Variants in FAM193A observed in about 807,000 individuals in gnomAD.
FAM193A encodes the protein protein FAM193A.
Under a neutral mutation model 126.5 loss-of-function variants are expected in FAM193A, and 22 were observed. The ratio of observed to expected loss-of-function variants is 0.17; its 90% CI spans 0.12 to 0.25. FAM193A has a LOEUF of 0.25. Ranked by LOEUF, FAM193A falls within the 10% of genes least tolerant of loss-of-function variation. The probability of loss-of-function intolerance (pLI) is 1.00; values close to 1 mark genes in which losing one functional copy is unlikely to be tolerated. For missense variants in FAM193A, 1,675 were observed against 1,672.8 expected (o/e 1.00, Z -0.02); for synonymous variants, 761 against 646.8 (o/e 1.18, Z -2.68).
chr4:2,555,692 G>A (rs1738208700), intron 1 of FAM193A, among the ~76,000 whole-genome samples: 1 of 151,670 alleles, frequency 6.6e-6, no homozygotes, highest in Admixed American at 6.6e-5. Flanking sequence ...ATCTCGGCTC[G>A]CCGCAAGCTC....
At chr4:2,607,275 G>A (rs755829488) in intron 2 of FAM193A, among the ~76,000 whole-genome samples, 6 of 152,196 alleles carry the variant, frequency 3.9e-5, no homozygotes, top group East Asian at 1.9e-4. Flanking sequence ...GCTCTGAAGT[G>A]TGTGGCAGTG....
intron 2 of FAM193A, among the ~76,000 whole-genome samples, chr4:2,618,216 C>G (rs1742323744): frequency 6.6e-6 from 1 of 152,120 alleles, no homozygotes; most frequent in Non-Finnish European, 1.5e-5. Context: ...CCTCAGCGTG[C>G]TTTGCTTTGT....
At chr4:2,698,914 G>A (rs557820522) in intron 18 of FAM193A, among the ~76,000 whole-genome samples, 41 of 152,288 alleles carry the variant, frequency 2.7e-4, no homozygotes, top group African/African-American at 9.1e-4. Context: ...GCTAGGGTGG[G>A]AAGAAGGAAT....
intron 19 of FAM193A, among the ~76,000 whole-genome samples, chr4:2,709,794 A>T (rs970390353): frequency 2.0e-5 from 3 of 152,210 alleles, no homozygotes; most frequent in Non-Finnish European, 4.4e-5. Context: ...GGGACCATCC[A>T]GGCTTTAAAG....
chr4:2,593,385 A>T (rs1426562347), intron 1 of FAM193A, among the ~76,000 whole-genome samples: 1 of 152,136 alleles, frequency 6.6e-6, no homozygotes, highest in African/African-American at 2.4e-5. Flanking sequence ...CATGCCAGCC[A>T]CTGGGCTCCC....
At chr4:2,618,231 A>G (rs1742324687) in intron 2 of FAM193A, among the ~76,000 whole-genome samples, 1 of 152,040 alleles carries the variant, frequency 6.6e-6, no homozygotes. Context: ...CTTTGTGTTT[A>G]GTGTGCTTTG....
intron 1 of FAM193A, among the ~76,000 whole-genome samples, chr4:2,550,379 T>G (rs1737839703): frequency 6.7e-6 from 1 of 149,884 alleles, no homozygotes; most frequent in African/African-American, 2.5e-5. Context: ...CATTATTGAT[T>G]TTGGATATTG....
At chr4:2,650,452 G>C (rs558693256) in intron 7 of FAM193A, among the ~76,000 whole-genome samples, 1 of 152,148 alleles carries the variant, frequency 6.6e-6, no homozygotes, top group Non-Finnish European at 1.5e-5. Context: ...GCTCACTCTC[G>C]TCACCGGGGC....
At chr4:2,715,776 A>T (rs1416356990) in intron 19 of FAM193A, among the ~76,000 whole-genome samples, 1 of 152,174 alleles carries the variant, frequency 6.6e-6, no homozygotes, top group Admixed American at 6.5e-5. Flanking sequence ...TCTGGCAAAC[A>T]TGTCTTCTAA....
At chr4:2,718,499 G>C (rs1275066141) in intron 20 of FAM193A, among the ~76,000 whole-genome samples, 1 of 152,162 alleles carries the variant, frequency 6.6e-6, no homozygotes, top group Non-Finnish European at 1.5e-5. Context: ...AGCCAAGACA[G>C]GCGGATCACT....
In FAM193A at chr4:2,654,943, T is replaced by A. The variant is rs557473927; in HGVS notation, c.1312-2860T>A. 6.1e-6 allele frequency: 3 copies of A among 490,458 alleles called. No individual in the cohort carries two copies. In the East Asian group the frequency reaches 9.1e-5, roughly 15 times the overall value. The allele number at this position is 490,458 out of a possible 1,614,324, so 30.4% of individuals were successfully genotyped here. ...CAGATGCCGGCATTAACTCTTGTAGTTTTTGAGTTGAGTCTTGAATCTGGG... is the reference window on the plus strand; with the variant it reads ...CAGATGCCGGCATTAACTCTTGTAGATTTTGAGTTGAGTCTTGAATCTGGG... On this transcript the variant is annotated intron_variant, in intron 7 of 20. Coordinates refer to ENST00000637812, the MANE Select transcript of FAM193A (RefSeq NM_001366318.2).
At chr4:2,618,894 C>G (rs538171842) in intron 2 of FAM193A, among the ~76,000 whole-genome samples, 2 of 152,146 alleles carry the variant, frequency 1.3e-5, no homozygotes, top group South Asian at 4.2e-4. Flanking sequence ...CTGCGCCTGG[C>G]CAATTTTTGT....
intron 5 of FAM193A, among the ~76,000 whole-genome samples, chr4:2,637,893 T>C (rs761981620): frequency 2.6e-5 from 4 of 152,248 alleles, no homozygotes; most frequent in Non-Finnish European, 5.9e-5. Flanking sequence ...TCCAAGTTGA[T>C]TTCCGGTTGT....
At chr4:2,635,864 A>T (rs1039782043) in intron 5 of FAM193A, among the ~76,000 whole-genome samples, 5 of 152,056 alleles carry the variant, frequency 3.3e-5, no homozygotes, top group African/African-American at 1.2e-4. Context: ...AGAGTGGGTC[A>T]CTCACACCTC....
intron 1 of FAM193A, among the ~76,000 whole-genome samples, chr4:2,574,427 G>A (rs1489601791): frequency 2.6e-5 from 4 of 152,170 alleles, no homozygotes; most frequent in African/African-American, 9.7e-5. Flanking sequence ...ACATAAATTT[G>A]GCTTGGGACA....
intron 13 of FAM193A, among the ~76,000 whole-genome samples, chr4:2,680,638 ATACT>A (rs1485967607): frequency 2.0e-5 from 3 of 151,760 alleles, no homozygotes; most frequent in South Asian, 2.1e-4. Context: ...AGCCCAGCCA[ATACT>A]TACTTACTTT....
At chr4:2,540,786 C>T (rs188248123) in intron 1 of FAM193A, among the ~76,000 whole-genome samples, 1 of 151,870 alleles carries the variant, frequency 6.6e-6, no homozygotes, top group African/African-American at 2.4e-5. Flanking sequence ...TGTGATGAAA[C>T]CCCATCTCTA....
At position 2,636,520 on chromosome 4, in the gene FAM193A, C is replaced by G. The variant is rs75883864; in HGVS notation, c.1039-3215C>G. Among the ~76,000 whole-genome samples the G allele has an allele frequency of 4.3e-4, 66 of 152,230 alleles. 2 individuals carry two copies. In the East Asian group the frequency reaches 0.012, roughly 27 times the overall value. On this transcript the variant is annotated intron_variant, in intron 5 of 20. Transcript: ENST00000637812. ...TTCCGTTAAAATCCACAGGCTCCAG[C>G]TCACCCCATGAATGGATTCTCTACT... is the stretch of plus-strand genomic sequence containing the variant.
chr4:2,590,027 C>G (rs969525405), intron 1 of FAM193A, among the ~76,000 whole-genome samples: 1 of 151,160 alleles, frequency 6.6e-6, no homozygotes, highest in African/African-American at 2.4e-5. Flanking sequence ...CCCAGCTACT[C>G]AGGAGGCTGA....
Sources: allele counts gnomAD v4.1 joint callset (sites outside exome capture counted in the v4.1 genomes callset), GRCh38; gene constraint gnomAD v4.1.1; transcripts MANE v1.5; gene names NCBI Gene and HGNC (gene_info 2026-07-23, HGNC 2026-07-21).